PDGFRA: variants seen among roughly 807,000 people sequenced by gnomAD.
PDGFRA encodes the protein platelet derived growth factor receptor alpha.
Under a neutral mutation model 121.5 loss-of-function variants are expected in PDGFRA, and 25 were observed. That is an observed-to-expected ratio of 0.21 (90% CI 0.15 to 0.29). The LOEUF is 0.29. PDGFRA is among the 10% of genes least tolerant of loss of function. The pLI is 1.00. For synonymous variants in PDGFRA, 463 were observed against 494.8 expected (o/e 0.94, Z 0.85); for missense variants, 1,008 against 1,345.1 (o/e 0.75, Z 3.92).
intron 13 of PDGFRA, among the ~76,000 whole-genome samples, 155 bp downstream of exon 13, chr4:54,277,647 GT>G (rs1395196752): frequency 6.6e-6 from 1 of 152,120 alleles, no homozygotes; most frequent in Non-Finnish European, 1.5e-5. Context: ...TTTAGATTAG[GT>G]TTATTTAGAT....
chr4:54,270,267 G>C (rs1018663131), intron 7 of PDGFRA, among the ~76,000 whole-genome samples: 1 of 152,052 alleles, frequency 6.6e-6, no homozygotes, highest in Non-Finnish European at 1.5e-5. Context: ...GGATATTTAG[G>C]GGAAGCAAGT....
chr4:54,255,034 C>T (rs1462638424), intron 1 of PDGFRA, among the ~76,000 whole-genome samples: 1 of 152,110 alleles, frequency 6.6e-6, no homozygotes, highest in Non-Finnish European at 1.5e-5. Flanking sequence ...TTGAGAGAGA[C>T]CATATGGTGA....
At chr4:54,250,793 G>C (rs573775271) in intron 1 of PDGFRA, among the ~76,000 whole-genome samples, 2 of 152,094 alleles carry the variant, frequency 1.3e-5, no homozygotes, top group Non-Finnish European at 2.9e-5. Context: ...GGCTGGGCAT[G>C]ATGGCTCACA....
At chr4:54,262,816 C>A (rs908155755) in intron 3 of PDGFRA, among the ~76,000 whole-genome samples, 3 of 152,244 alleles carry the variant, frequency 2.0e-5, no homozygotes, top group East Asian at 1.9e-4. Context: ...ATGGTAGGAA[C>A]GTGAATGTGT....
intron 1 of PDGFRA, among the ~76,000 whole-genome samples, chr4:54,255,270 T>C (rs974446020): frequency 1.3e-5 from 2 of 152,114 alleles, no homozygotes; most frequent in African/African-American, 4.8e-5. Context: ...CTACTCCACC[T>C]CCCTTTCCCA....
chr4:54,261,268 G>C lies in PDGFRA; in HGVS notation c.223G>C (p.Glu75Gln), dbSNP rs1285564229. 6.2e-7 allele frequency: 1 copy of C among 1,614,178 alleles called. No homozygotes were observed. Among genetic ancestry groups the C allele is most frequent in the Non-Finnish European group, 8.5e-7 (1 of 1,180,030 alleles). Residue 75 changes from glutamate (E) to glutamine (Q), a missense_variant, in exon 3 of 23, where the codon GAA (glutamate) becomes CAA (glutamine). Physicochemically the swap from Glu to Gln is conservative, Grantham distance 29 (BLOSUM62 2). Around this residue, in one of 5 missense-constraint regions of PDGFRA, gnomAD observed 575 missense variants for 701.8 expected, o/e 0.82. Coordinates refer to ENST00000257290, the MANE Select transcript of PDGFRA (RefSeq NM_006206.6). ...CTCCGATGTGGAAATCAGAAATGAA[G>C]AAAACAACAGCGGCCTTTTTGTGAC... ...ESSDVEIRNE[E>Q]NNSGLFVTVL...
chr4:54,233,089 T>C (rs1487674660), intron 1 of PDGFRA, among the ~76,000 whole-genome samples: 1 of 113,970 alleles, frequency 8.8e-6, no homozygotes, highest in East Asian at 2.6e-4. Context: ...CCCGGCCCCC[T>C]CTCGGGTCTC....
chr4:54,267,809 G>A (rs1285309570), intron 7 of PDGFRA, 68 bp downstream of exon 7: 8 of 1,342,414 alleles, frequency 6.0e-6, no homozygotes, highest in Non-Finnish European at 8.5e-6. Flanking sequence ...AGGTTTGTGT[G>A]TGTCTTACAA....
rs1724897138 is a variant in PDGFRA at position 54,296,647 on chromosome 4, AAGTCTG to A, written c.*1378_*1383del. On this transcript the variant is annotated 3_prime_UTR_variant, in exon 23 of 23. Transcript: ENST00000257290. ...TCCATCCTTGAGATTCTGAAGTATG[AAGTCTG>A]AGGGAAACCAGAGTCTGTATTTTTC... 4.3e-6 allele frequency: 1 copy of A among 232,386 alleles called. No homozygotes were observed. The highest frequency in any genetic ancestry group is 2.2e-5 in the African/African-American group (1 of 45,266). 14.4% of individuals were successfully genotyped at this position (232,386 alleles called of 1,614,324 possible).
Position 54,237,835 on chromosome 4 carries a change from A to C in PDGFRA, c.-13+8420A>C, listed in dbSNP as rs79047827. 2.2e-3 allele frequency among the ~76,000 whole-genome samples: 332 copies of C among 152,366 alleles called. 5 individuals are homozygous for C. In the East Asian group the frequency reaches 0.051, roughly 23 times the overall value. Reference sequence around the variant, plus strand: ...TGCCCTAGGAAATAGTCAGGCAAGTAGGTGGCACACAGGGGTGGGATATGG... The same window carrying C: ...TGCCCTAGGAAATAGTCAGGCAAGTCGGTGGCACACAGGGGTGGGATATGG... On this transcript the variant is annotated intron_variant, in intron 1 of 22. Coordinates refer to ENST00000257290, the MANE Select transcript of PDGFRA (RefSeq NM_006206.6).
Position 54,272,380 on chromosome 4 carries a change from T to C in PDGFRA, c.1238-14T>C, listed in dbSNP as rs2110286611. On this transcript the variant is annotated splice_polypyrimidine_tract_variant and intron_variant, in intron 8 of 22. Transcript: ENST00000257290. Reference sequence around the variant, plus strand: ...ACGAGCTATTCCATTCTGACTTCTTTCTGCCTCTTGCAGTTCCTTCATCCA... The same window carrying C: ...ACGAGCTATTCCATTCTGACTTCTTCCTGCCTCTTGCAGTTCCTTCATCCA... 2 of 1,613,942 alleles carry C rather than the reference T, an allele frequency of 1.2e-6. No homozygotes were observed. Among genetic ancestry groups the C allele is most frequent in the Non-Finnish European group, 1.7e-6 (2 of 1,179,948 alleles).
At position 54,295,195 on chromosome 4, in the gene PDGFRA, G is replaced by A. The variant is rs369389595; in HGVS notation, c.3193G>A (p.Glu1065Lys). ...TTCCACCTTCATCAAGAGAGAGGACGAGACCATTGAAGACATCGACATGAT... is the reference window on the plus strand; with the variant it reads ...TTCCACCTTCATCAAGAGAGAGGACAAGACCATTGAAGACATCGACATGAT... ...SSSTFIKRED[E>K]TIEDIDMMDD... is the part of the protein sequence containing the mutation. The change falls in exon 23 of 23, where the codon GAG becomes AAG. Residue 1065 changes from glutamate to lysine, a missense_variant. Transcript: ENST00000257290. 7.4e-6 allele frequency: 12 copies of A among 1,613,572 alleles called. No homozygotes were observed. In the African/African-American group the frequency reaches 1.1e-4, roughly 14 times the overall value.
At position 54,290,331 on chromosome 4, in the gene PDGFRA, C is replaced by G. The variant is rs140943817; in HGVS notation, c.2899C>G (p.Leu967Val). The change falls in exon 22 of 23, where the codon CTG (leucine) becomes GTG (valine). Residue 967 changes from leucine (L) to valine (V), a missense_variant. Around this residue, in one of 5 missense-constraint regions of PDGFRA, gnomAD observed 204 missense variants for 243.0 expected, o/e 0.84. Transcript: ENST00000257290. ...QYKKSYEKIH[L>V]DFLKSDHPAV... is the part of the protein sequence containing the mutation. ...TTTATAGAGTTATGAAAAAATTCACCTGGACTTCCTGAAGAGTGACCATCC... is the reference window on the plus strand; with the variant it reads ...TTTATAGAGTTATGAAAAAATTCACGTGGACTTCCTGAAGAGTGACCATCC... 2.4e-4 allele frequency: 381 copies of G among 1,611,740 alleles called. No homozygotes were observed. In the African/African-American group the frequency reaches 4.6e-3, roughly 20 times the overall value.
At chr4:54,266,389 CTTTCTTTTTTTTTTCTTT>C (rs1723025972) in intron 5 of PDGFRA, among the ~76,000 whole-genome samples, 2 of 149,334 alleles carry the variant, frequency 1.3e-5, no homozygotes, top group Non-Finnish European at 3.0e-5. Flanking sequence ...ATTTGTATTT[CTTTCTTTTTTTTTTCTTT>C]TTTCTTTTTT....
intron 2 of PDGFRA, among the ~76,000 whole-genome samples, chr4:54,260,664 T>A (rs1722650147): frequency 6.6e-6 from 1 of 152,000 alleles, no homozygotes; most frequent in Non-Finnish European, 1.5e-5. Context: ...CACTTCCACC[T>A]CACAAAGTGC....
chr4:54,232,192 C>T (rs1720719346), intron 1 of PDGFRA, among the ~76,000 whole-genome samples: 1 of 152,180 alleles, frequency 6.6e-6, no homozygotes, highest in Non-Finnish European at 1.5e-5. Context: ...CAGGGTTCCC[C>T]GGGTCTAACT....
At chr4:54,246,018 C>A (rs1345905235) in intron 1 of PDGFRA, among the ~76,000 whole-genome samples, 2 of 152,160 alleles carry the variant, frequency 1.3e-5, no homozygotes, top group South Asian at 4.1e-4. Context: ...AGCTAACTAT[C>A]CTAAATATAT....
chr4:54,284,879 C>CTTTTTTTTT lies in PDGFRA; in HGVS notation c.2324-478_2324-470dup, dbSNP rs5858264. Among the ~76,000 whole-genome samples, 31 of 101,236 alleles carry CTTTTTTTTT rather than the reference C, an allele frequency of 3.1e-4. 3 individuals are homozygous for CTTTTTTTTT. The highest frequency in any genetic ancestry group is 4.3e-4 in the African/African-American group (11 of 25,746). The allele number at this position is 101,236 out of a possible 152,430, so 66.4% of individuals were successfully genotyped here. A position where few individuals can be genotyped will look rare whatever the true frequency, so the allele number is the denominator to read the frequency against. On this transcript the variant is annotated intron_variant, in intron 16 of 22. Transcript: ENST00000257290. ...CTTTCCTTTCTTTCATTCTTTCTAT[C>CTTTTTTTTT]TTTTTTTTTTTTTTTTTTTTTTGAG...
At chr4:54,293,941 G>GTGTGTC (rs369207291) in intron 22 of PDGFRA, among the ~76,000 whole-genome samples, 1 of 151,314 alleles carries the variant, frequency 6.6e-6, no homozygotes, top group Admixed American at 6.6e-5. Context: ...GTGTGTGTGT[G>GTGTGTC]TTTTCCTCTT....
Sources: allele counts gnomAD v4.1 joint callset (sites outside exome capture counted in the v4.1 genomes callset), GRCh38; gene constraint gnomAD v4.1.1; regional missense constraint gnomAD v4.1.1; transcripts MANE v1.5; gene names NCBI Gene and HGNC (gene_info 2026-07-23, HGNC 2026-07-21).